Variants in NXF2B observed in about 807,000 individuals in gnomAD.
NXF2B encodes nuclear RNA export factor 2B, also known as nuclear RNA export factor 2.
At chrX:102,397,693 TTAAAC>T (rs1216332134) in intron 2 of NXF2B, among the ~76,000 whole-genome samples, 4 of 88,708 alleles carry the variant, frequency 4.5e-5, no homozygotes, top group Non-Finnish European at 8.8e-5. Flanking sequence ...TGGGATCTAA[TTAAAC>T]TAAAGAGCTT....
At chrX:102,412,546 GAAGAAGAAGAAGAAGAAGAAGGAA>G (rs1569471457) in intron 2 of NXF2B, among the ~76,000 whole-genome samples, 118 of 3,831 alleles carry the variant, frequency 0.031, 21 homozygotes, top group Non-Finnish European at 0.039. Context: ...AGAAGAAGAA[GAAGAAGAAGAAGAAGAAGAAGGAA>G]GAAGAGGAAG....
intron 2 of NXF2B, among the ~76,000 whole-genome samples, chrX:102,386,239 C>T (rs1934268995): frequency 8.7e-6 from 1 of 115,036 alleles, no homozygotes; most frequent in South Asian, 3.3e-4. Flanking sequence ...GCCACCGCGC[C>T]TGGCTGAGTC....
At chrX:102,438,241 A>T (rs1488744434) in intron 2 of NXF2B, among the ~76,000 whole-genome samples, 18 of 10,485 alleles carry the variant, frequency 1.7e-3, no homozygotes, top group East Asian at 0.011. Flanking sequence ...TACTACAAAG[A>T]CTTCCCCCTG....
At chrX:102,405,380 G>T (rs782045096) in intron 2 of NXF2B, among the ~76,000 whole-genome samples, 2 of 16,038 alleles carry the variant, frequency 1.2e-4, no homozygotes, top group African/African-American at 3.4e-4. Context: ...GTCGGGGGAG[G>T]GGGGGGTCAC....
intron 2 of NXF2B, among the ~76,000 whole-genome samples, chrX:102,393,545 TAA>T (rs1212373008): frequency 1.2e-4 from 1 of 8,235 alleles, no homozygotes; most frequent in Non-Finnish European, 2.0e-4. Context: ...CAAACAAAAC[TAA>T]ATATATATAT....
intron 2 of NXF2B, among the ~76,000 whole-genome samples, chrX:102,386,148 C>T (rs1217887500): frequency 2.6e-5 from 3 of 115,074 alleles, no homozygotes; most frequent in East Asian, 2.7e-4. Flanking sequence ...GGTTTCACCA[C>T]GTTAGCCAGG....
intron 2 of NXF2B, among the ~76,000 whole-genome samples, chrX:102,398,099 T>C (rs1352024167): frequency 1.9e-5 from 1 of 52,928 alleles, no homozygotes; most frequent in Non-Finnish European, 3.3e-5. Context: ...AATAGACAAT[T>C]CTCAAAAAAA....
chrX:102,432,390 CA>C (rs1465494891), intron 2 of NXF2B, among the ~76,000 whole-genome samples: 1 of 109,218 alleles, frequency 9.2e-6, no homozygotes, highest in African/African-American at 3.5e-5. Context: ...AACTCCATAG[CA>C]GAAAAACAAT....
intron 2 of NXF2B, among the ~76,000 whole-genome samples, chrX:102,412,653 T>A (rs1238795715): frequency 3.5e-5 from 1 of 28,327 alleles, no homozygotes; most frequent in Non-Finnish European, 7.5e-5. Context: ...GAAGTAGTCA[T>A]CATCGTCGTT....
chrX:102,412,594 G>GAAGAAGAAGAAGAA, intron 2 of NXF2B, among the ~76,000 whole-genome samples: 27 of 4,950 alleles, frequency 5.5e-3, no homozygotes, highest in African/African-American at 7.5e-3. Context: ...AAGAGGAAGA[G>GAAGAAGAAGAAGAA]GAAGAAGAAG....
intron 2 of NXF2B, among the ~76,000 whole-genome samples, chrX:102,405,277 G>A (rs1372254230): frequency 1.9e-4 from 6 of 31,787 alleles, no homozygotes; most frequent in African/African-American, 7.0e-4. Context: ...GCAACAGAGC[G>A]AGACTCCATC....
intron 2 of NXF2B, among the ~76,000 whole-genome samples, chrX:102,396,964 A>C (rs1336863019): frequency 1.2e-5 from 1 of 86,548 alleles, no homozygotes; most frequent in Non-Finnish European, 2.3e-5. Context: ...ATGGTATCTC[A>C]TTGTGGTTTT....
intron 2 of NXF2B, among the ~76,000 whole-genome samples, chrX:102,405,025 T>C (rs1457272461): frequency 1.9e-5 from 1 of 51,908 alleles, no homozygotes; most frequent in Non-Finnish European, 3.5e-5. Context: ...CTCACGGCTG[T>C]AATCCCAGCA....
chrX:102,393,096 T>C (rs1285670333), intron 2 of NXF2B, among the ~76,000 whole-genome samples: 1 of 7,301 alleles, frequency 1.4e-4, no homozygotes, highest in African/African-American at 1.6e-4. Flanking sequence ...TACTTTTCTC[T>C]GCACTGTCTT....
In NXF2B at chrX:102,412,637, G is replaced by GAAGAAGAAGAAGA. The variant is rs1444900634; in HGVS notation, c.-54+25915_-54+25916insTCTTCTTCTTCTT. Reference sequence around the variant, plus strand: ...AGAAGAAGAAGAAGAAGAAGAAGAAGAAGAAGAAGTAGTCATCATCGTCGT... The same window carrying GAAGAAGAAGAAGA: ...AGAAGAAGAAGAAGAAGAAGAAGAAGAAGAAGAAGAAGAAAGAAGAAGTAGTCATCATCGTCGT... On this transcript the variant is annotated intron_variant, in intron 2 of 22. Transcript: ENST00000602195. Among the ~76,000 whole-genome samples, 67 of 25,459 alleles carry GAAGAAGAAGAAGA rather than the reference G, an allele frequency of 2.6e-3. 19 individuals carry two copies. Among genetic ancestry groups the GAAGAAGAAGAAGA allele is most frequent in the Non-Finnish European group, 4.1e-3 (46 of 11,274 alleles). The allele number at this position is 25,459 out of a possible 115,157, so 22.1% of individuals were successfully genotyped here.
chrX:102,435,562 A>G (rs1923221801), intron 2 of NXF2B, among the ~76,000 whole-genome samples: 1 of 18,810 alleles, frequency 5.3e-5, no homozygotes, highest in Non-Finnish European at 9.6e-5. Context: ...AAAGTTTCAA[A>G]AGTAAGGCAA....
At chrX:102,393,593 T>C (rs868966374) in intron 2 of NXF2B, among the ~76,000 whole-genome samples, 226 of 21,771 alleles carry the variant, frequency 0.01, 4 homozygotes, top group African/African-American at 0.025. Flanking sequence ...TATATATATA[T>C]GGAAAGAAAG....
intron 2 of NXF2B, among the ~76,000 whole-genome samples, chrX:102,392,457 C>T (rs1193938941): frequency 1.0e-5 from 1 of 98,685 alleles, no homozygotes; most frequent in Admixed American, 1.0e-4. Flanking sequence ...ATTCACCCCC[C>T]ACCCCCAAAC....
chrX:102,386,121 ATTTT>A (rs1190221111), intron 2 of NXF2B, among the ~76,000 whole-genome samples: 2,673 of 111,853 alleles, frequency 0.024, no homozygotes, highest in Non-Finnish European at 0.037. Flanking sequence ...ATTTTTTTGT[ATTTT>A]TAGTAGAGAT....
Sources: gnomAD v4.1 joint callset for allele counts (sites outside exome capture counted in the v4.1 genomes callset) on GRCh38, gnomAD v4.1.1 for gene constraint, MANE v1.5 for transcripts, NCBI Gene and HGNC (gene_info 2026-07-23, HGNC 2026-07-21) for gene names.